PTK2B: variants seen among roughly 807,000 people sequenced by gnomAD.
The protein encoded by PTK2B is protein-tyrosine kinase 2-beta.
In PTK2B, 71 loss-of-function variants were observed where a neutral mutation model predicts 142.9. That is an observed-to-expected ratio of 0.50 (90% CI 0.41 to 0.61). The LOEUF is 0.61. Among genes scored for constraint, PTK2B ranks in the 20% least tolerant of loss-of-function variants. The pLI is 0.00. For missense variants in PTK2B, 1,105 were observed against 1,320.4 expected, an observed-to-expected ratio of 0.84 and a Z score of 2.53; for synonymous variants, 519 against 503.4, an observed-to-expected ratio of 1.03 and a Z score of -0.42.
At chr8:27,428,979 GTGCAATCTCGGCTCAC>G (rs1336812753) in intron 5 of PTK2B, among the ~76,000 whole-genome samples, 1 of 152,118 alleles carries the variant, frequency 6.6e-6, no homozygotes, top group Admixed American at 6.5e-5. Context: ...GAGTGCAATG[GTGCAATCTCGGCTCAC>G]TGCAACCTCC....
At chr8:27,434,023 A>G in intron 11 of PTK2B, 70 bp from the exon 12 acceptor site, 1 of 1,530,346 alleles carries the variant, frequency 6.5e-7, no homozygotes, top group Non-Finnish European at 9.1e-7. Flanking sequence ...AGGAATAGTG[A>G]GGAGGTCAGT....
rs978422687 is a variant in PTK2B at position 27,363,856 on chromosome 8, C to T, written c.-37-33692C>T. Among the ~76,000 whole-genome samples the T allele has an allele frequency of 5.9e-5, 9 of 152,160 alleles. No homozygotes were observed. The highest frequency in any genetic ancestry group is 1.2e-4 in the African/African-American group (5 of 41,430). The stretch of plus-strand genomic sequence containing the variant: ...CACCCACCCCCAGTCCTGTGGGCCA[C>T]GATTACTCTCCCACGTGCTGGAGAT... On this transcript the variant is annotated intron_variant, in intron 1 of 30. Coordinates refer to ENST00000346049, the MANE Select transcript of PTK2B (RefSeq NM_173176.3). The surrounding 1 kb of genome is among the most constrained non-coding windows in gnomAD (Gnocchi z 4.3).
chr8:27,416,923 G>A (rs1809435674), intron 2 of PTK2B, among the ~76,000 whole-genome samples: 1 of 152,198 alleles, frequency 6.6e-6, no homozygotes, highest in Non-Finnish European at 1.5e-5. Flanking sequence ...CGCACCCACT[G>A]AGATGGCTAA....
chr8:27,458,554 C>G lies in PTK2B; in HGVS notation c.*45C>G. On this transcript the variant is annotated 3_prime_UTR_variant, in exon 31 of 31. Coordinates refer to ENST00000346049, the MANE Select transcript of PTK2B (RefSeq NM_173176.3). ...GCCTGCGTCTTCCGCCCCTGCCTGC[C>G]ATGTACCTCCCCTGCCTTGCTGTTG... 1 of 1,531,384 alleles carries G rather than the reference C, an allele frequency of 6.5e-7. No individual in the cohort carries two copies. The allele number at this position is 1,531,384 out of a possible 1,614,324, so 94.9% of individuals were successfully genotyped here. A position where few individuals can be genotyped will look rare whatever the true frequency, so the allele number is the denominator to read the frequency against.
intron 24 of PTK2B, among the ~76,000 whole-genome samples, chr8:27,446,807 C>T (rs1052816901): frequency 3.3e-5 from 5 of 152,194 alleles, no homozygotes; most frequent in Admixed American, 3.3e-4. Context: ...ATATTACTTT[C>T]ATGCCATTAT....
chr8:27,387,608 C>T (rs1394166698), intron 1 of PTK2B, among the ~76,000 whole-genome samples: 1 of 152,170 alleles, frequency 6.6e-6, no homozygotes, highest in Non-Finnish European at 1.5e-5. Context: ...AGGCCCTCAG[C>T]TTTCACTGCT....
intron 20 of PTK2B, 78 bp downstream of exon 20, chr8:27,439,476 G>C: frequency 6.9e-6 from 10 of 1,458,292 alleles, no homozygotes; most frequent in Non-Finnish European, 9.6e-6. Flanking sequence ...TGGGTGCAGG[G>C]AGCAGGGGTC....
intron 22 of PTK2B, 150 bp from the exon 23 acceptor site, chr8:27,444,056 G>T: frequency 6.5e-6 from 5 of 774,142 alleles, no homozygotes; most frequent in Non-Finnish European, 1.1e-5. Flanking sequence ...TCAATAAATG[G>T]ATGCAAAATG....
At chr8:27,322,285 A>C (rs1054846481), upstream of PTK2B, 1 of 152,214 alleles carries the variant, frequency 6.6e-6, no homozygotes, top group African/African-American at 2.4e-5. Context: ...CAATGGAGAG[A>C]TGCCAGTTAC....
chr8:27,414,979 A>AT (rs1171565168), intron 2 of PTK2B, among the ~76,000 whole-genome samples: 1 of 152,140 alleles, frequency 6.6e-6, no homozygotes, highest in Admixed American at 6.6e-5. Flanking sequence ...AATAGAATGA[A>AT]TTTTGCTTTG....
intron 2 of PTK2B, among the ~76,000 whole-genome samples, chr8:27,410,054 GTTTA>G (rs1054242297): frequency 6.6e-6 from 1 of 152,180 alleles, no homozygotes; most frequent in Non-Finnish European, 1.5e-5. Context: ...CTTAAGTGTA[GTTTA>G]TTTATTAAAA....
chr8:27,360,550 C>T (rs1805637349), intron 1 of PTK2B, among the ~76,000 whole-genome samples: 1 of 151,794 alleles, frequency 6.6e-6, no homozygotes, highest in Non-Finnish European at 1.5e-5. Context: ...GTTCCTCCAC[C>T]ATGGAAGCCA....
rs200282956 is a variant in PTK2B, at chr8:27,440,302, G to A, written c.1900G>A (p.Val634Ile). Residue 634 changes from valine to isoleucine, a missense_variant, in exon 21 of 31, where the codon GTC (valine) becomes ATC (isoleucine). Val to Ile is a conservative substitution (Grantham distance 29). Coordinates refer to ENST00000346049, the MANE Select transcript of PTK2B (RefSeq NM_173176.3). ...CTTCTTCTGGCTGGAGAACAAGGAT[G>A]TCATCGGGGTGCTGGAGAAAGGAGA... is the stretch of plus-strand genomic sequence containing the variant. ...QPFFWLENKD[V>I]IGVLEKGDRL... 12 of 1,614,230 alleles carry A rather than the reference G, an allele frequency of 7.4e-6. No homozygotes were observed. The East Asian group carries it at 2.7e-4, about 36-fold the overall frequency.
intron 1 of PTK2B, among the ~76,000 whole-genome samples, chr8:27,395,164 T>C (rs1170125098): frequency 6.6e-6 from 1 of 152,198 alleles, no homozygotes; most frequent in Non-Finnish European, 1.5e-5. Flanking sequence ...TTATTATCAT[T>C]ATCAAGTGTT....
At chr8:27,453,711 C>A (rs1454993417) in intron 28 of PTK2B, among the ~76,000 whole-genome samples, 1 of 152,184 alleles carries the variant, frequency 6.6e-6, no homozygotes, top group African/African-American at 2.4e-5. Context: ...AAGAACCCAT[C>A]TTTACTAAAT....
chr8:27,324,222 C>T (rs1176385644), upstream of PTK2B, among the ~76,000 whole-genome samples: 1 of 152,226 alleles, frequency 6.6e-6, no homozygotes, highest in Non-Finnish European at 1.5e-5. Flanking sequence ...CAAGTTCTCC[C>T]ACCTGACCAC....
rs748493605 is a variant in PTK2B at position 27,450,793 on chromosome 8, G to C, written c.2385G>C (p.Gln795His). 3 of 1,614,206 alleles carry C rather than the reference G, an allele frequency of 1.9e-6. No individual in the cohort carries two copies. Among genetic ancestry groups the C allele is most frequent in the Non-Finnish European group, 2.5e-6 (3 of 1,180,034 alleles). Residue 795 changes from glutamine (Q) to histidine (H), a missense_variant, in exon 25 of 31, where the codon CAG becomes CAC. Gln to His is a conservative substitution (Grantham distance 24). Coordinates refer to ENST00000346049, the MANE Select transcript of PTK2B (RefSeq NM_173176.3). The stretch of plus-strand genomic sequence containing the variant: ...CCAGCAGCCGAGAAGAGGCCCAGCA[G>C]CTGTGGGAGGCTGAAAAGGTCAAAA... ...IQPSSREEAQ[Q>H]LWEAEKVKMR... is the part of the protein sequence containing the mutation.
chr8:27,449,122 G>A (rs1328600511), intron 24 of PTK2B, among the ~76,000 whole-genome samples: 1 of 152,210 alleles, frequency 6.6e-6, no homozygotes, highest in Non-Finnish European at 1.5e-5. Flanking sequence ...ATAAGGACTT[G>A]TCTGGCTCCA....
chr8:27,403,747 TC>T (rs1808519243), intron 2 of PTK2B, among the ~76,000 whole-genome samples: 1 of 139,822 alleles, frequency 7.2e-6, no homozygotes, highest in African/African-American at 2.6e-5. Context: ...TCTCTTTGGC[TC>T]TTGCTGCTGC....
Sources: gnomAD v4.1 joint callset for allele counts (sites outside exome capture counted in the v4.1 genomes callset) on GRCh38, gnomAD v4.1.1 for gene constraint, Gnocchi (gnomAD v3.1) non-coding constraint, MANE v1.5 for transcripts, NCBI Gene and HGNC (gene_info 2026-07-23, HGNC 2026-07-21) for gene names.